The following INSR variants were observed in gnomAD, a reference collection of about 807,000 sequenced individuals.
INSR encodes insulin receptor.
In INSR, 67 loss-of-function variants were observed where a neutral mutation model predicts 142.6. That is an observed-to-expected ratio of 0.47 (90% confidence interval 0.39 to 0.58). INSR has a LOEUF of 0.58. Among genes scored for constraint, INSR ranks in the 20% least tolerant of loss-of-function variants. The probability of loss-of-function intolerance (pLI) is 0.00; values close to 1 mark genes in which losing one functional copy is unlikely to be tolerated. For synonymous variants in INSR, 756 were observed against 743.1 expected (o/e 1.02, Z -0.28); for missense variants, 1,248 against 1,833.2 (o/e 0.68, Z 5.83).
At chr19:7,282,636 C>T (rs765742888) in intron 1 of INSR, among the ~76,000 whole-genome samples, 1 of 151,278 alleles carries the variant, frequency 6.6e-6, no homozygotes, top group Non-Finnish European at 1.5e-5. Context: ...GAGCTGAGAT[C>T]GTGACACTGC....
intron 1 of INSR, among the ~76,000 whole-genome samples, chr19:7,280,717 C>CAA (rs796092778): frequency 7.4e-6 from 1 of 134,826 alleles, no homozygotes; most frequent in African/African-American, 2.7e-5. Context: ...AACTCCATCT[C>CAA]AAAAAAAAAA....
intron 9 of INSR, among the ~76,000 whole-genome samples, chr19:7,157,952 A>T (rs754210263): frequency 6.6e-6 from 1 of 151,790 alleles, no homozygotes; most frequent in Non-Finnish European, 1.5e-5. Flanking sequence ...ATAGACATAG[A>T]ATACCCTGCC....
intron 16 of INSR, among the ~76,000 whole-genome samples, chr19:7,126,248 G>A (rs1388427860): frequency 5.9e-5 from 9 of 152,128 alleles, no homozygotes; most frequent in African/African-American, 1.7e-4. Flanking sequence ...TAAGACTACC[G>A]AGTGCTAGCT....
rs994203066 is a variant in INSR, at chr19:7,194,799, C to T, written c.653-10162G>A. On this transcript the variant is annotated intron_variant, in intron 2 of 21. Coordinates refer to ENST00000302850, the MANE Select transcript of INSR (RefSeq NM_000208.4). ...AAGTGCTGGTACAGGTGTGAGCCAC[C>T]GCGCCAGGCCAGCTTTGCTCTTTTA... Among the ~76,000 whole-genome samples the T allele has an allele frequency of 5.9e-5, 9 of 151,890 alleles. No homozygotes were observed. In the East Asian group the frequency reaches 1.6e-3, roughly 26 times the overall value.
rs1973712228 is a variant in INSR at position 7,160,239 on chromosome 19, C to T, written c.2029+2793G>A. On this transcript the variant is annotated intron_variant, in intron 9 of 21. Transcript: ENST00000302850. The stretch of plus-strand genomic sequence containing the variant: ...GTGCAAGCTCGGCTCATTGCAACCT[C>T]CACCTCCCGGGTTCAAGCGATTCTT... Among the ~76,000 whole-genome samples, 8 of 152,214 alleles carry T rather than the reference C, an allele frequency of 5.3e-5. No homozygotes were observed. In the South Asian group the frequency reaches 1.7e-3, roughly 32 times the overall value.
At position 7,150,405 on chromosome 19, in the gene INSR, C is replaced by T. The variant is rs1041237897; in HGVS notation, c.2267+92G>A. On this transcript the variant is annotated intron_variant, in intron 11 of 21. Coordinates refer to ENST00000302850, the MANE Select transcript of INSR (RefSeq NM_000208.4). The surrounding 1 kb of genome is among the most constrained non-coding windows in gnomAD (Gnocchi z 4.2). ...CAGCTGCCCGCCGCATGCAAAAAGC[C>T]ACAGAAACCCCTGGGTTCTCCGAGG... 2.4e-5 allele frequency: 29 copies of T among 1,205,514 alleles called. No individual in the cohort carries two copies. Among genetic ancestry groups the T allele is most frequent in the Non-Finnish European group, 3.2e-5 (26 of 819,130 alleles). 74.7% of individuals were successfully genotyped at this position (1,205,514 alleles called of 1,614,324 possible). A position where few individuals can be genotyped will look rare whatever the true frequency, so the allele number is the denominator to read the frequency against.
Position 7,267,703 on chromosome 19 carries a change from G to A in INSR, c.294C>T (p.Ser98=). Residue 98 remains serine, a synonymous_variant, in exon 2 of 22, where the codon AGC becomes AGT. Coordinates refer to ENST00000302850, the MANE Select transcript of INSR (RefSeq NM_000208.4). The surrounding 1 kb of genome is among the most constrained non-coding windows in gnomAD (Gnocchi z 6.3). ...LLLFRVYGLE[S]LKDLFPNLTV... is the part of the protein sequence containing the mutation. ...TGAGGTTGGGGAACAGGTCCTTCAGGCTCTCGAGCCCATAGACCCGGAAGA... is the reference window on the plus strand; with the variant it reads ...TGAGGTTGGGGAACAGGTCCTTCAGACTCTCGAGCCCATAGACCCGGAAGA... 6.2e-7 allele frequency: 1 copy of A among 1,614,050 alleles called. No individual in the cohort carries two copies. Among genetic ancestry groups the A allele is most frequent in the Middle Eastern group, 1.6e-4 (1 of 6,062 alleles).
At chr19:7,256,340 T>C (rs1179460469) in intron 2 of INSR, among the ~76,000 whole-genome samples, 1 of 151,930 alleles carries the variant, frequency 6.6e-6, no homozygotes, top group East Asian at 1.9e-4. Flanking sequence ...TCCCAGCTAC[T>C]TGGGAGGCTG....
chr19:7,270,339 T>TCACACACACACACACACA (rs1178953100), intron 1 of INSR, among the ~76,000 whole-genome samples: 3 of 120,248 alleles, frequency 2.5e-5, no homozygotes, highest in African/African-American at 6.8e-5. Context: ...TCTCTCTCTC[T>TCACACACACACACACACA]CACACACACA....
intron 3 of INSR, among the ~76,000 whole-genome samples, chr19:7,176,353 C>T (rs1974135066): frequency 6.6e-6 from 1 of 152,226 alleles, no homozygotes; most frequent in African/African-American, 2.4e-5. Flanking sequence ...GTAATTCCGG[C>T]ACTTTGGGAG....
chr19:7,285,959 T>C (rs2145247504), intron 1 of INSR, among the ~76,000 whole-genome samples: 1 of 152,282 alleles, frequency 6.6e-6, no homozygotes, highest in Non-Finnish European at 1.5e-5. Flanking sequence ...AAGCCAATTT[T>C]ACTGTATGAT....
intron 2 of INSR, among the ~76,000 whole-genome samples, chr19:7,255,467 C>T (rs56047301): frequency 0.18 from 26,991 of 151,390 alleles, 2,987 homozygotes; most frequent in Non-Finnish European, 0.25. Context: ...TTTGCCATTT[C>T]ATCCACCCGA....
chr19:7,204,687 G>A (rs1345669418), intron 2 of INSR, among the ~76,000 whole-genome samples: 5 of 150,292 alleles, frequency 3.3e-5, no homozygotes, highest in Admixed American at 1.3e-4. Flanking sequence ...CTGGATTTAT[G>A]CTACTGAGCC....
intron 2 of INSR, among the ~76,000 whole-genome samples, chr19:7,256,918 T>C (rs904852816): frequency 1.3e-5 from 2 of 149,176 alleles, no homozygotes; most frequent in African/African-American, 4.9e-5. Flanking sequence ...TCACGTTACA[T>C]GCTCTACCCT....
At chr19:7,160,897 A>G (rs1247529941) in intron 9 of INSR, among the ~76,000 whole-genome samples, 4 of 150,878 alleles carry the variant, frequency 2.7e-5, no homozygotes, top group Middle Eastern at 3.4e-3. Context: ...TCAGGAGGCT[A>G]AGGCACAAGA....
At chr19:7,270,458 A>G (rs1394755292) in intron 1 of INSR, among the ~76,000 whole-genome samples, 2 of 151,912 alleles carry the variant, frequency 1.3e-5, no homozygotes, top group African/African-American at 4.8e-5. Context: ...TATGCATTCA[A>G]AGGTTAACTA....
At chr19:7,141,375 C>G (rs1257515548) in intron 13 of INSR, 1 of 416,622 alleles carries the variant, frequency 2.4e-6, no homozygotes, top group East Asian at 5.4e-5. Flanking sequence ...TTTTAAGACT[C>G]AAATAACTCC....
chr19:7,125,177 G>T lies in INSR; in HGVS notation c.3258+106C>A. The T allele has an allele frequency of 1.5e-6, 2 of 1,360,852 alleles. No individual in the cohort carries two copies. Among genetic ancestry groups the T allele is most frequent in the Non-Finnish European group, 2.1e-6 (2 of 967,038 alleles). 84.3% of individuals were successfully genotyped at this position (1,360,852 alleles called of 1,614,324 possible). ...GGAAGCTTAGTGGAGTGAGGGGTGG[G>T]TAGGAGGTTACACCCTGTGTCCTCT... On this transcript the variant is annotated intron_variant, in intron 17 of 21. Coordinates refer to ENST00000302850, the MANE Select transcript of INSR (RefSeq NM_000208.4). The surrounding 1 kb of genome is among the most constrained non-coding windows in gnomAD (Gnocchi z 4.9).
chr19:7,233,824 C>G (rs1421669901), intron 2 of INSR, among the ~76,000 whole-genome samples: 2 of 151,026 alleles, frequency 1.3e-5, no homozygotes, highest in Non-Finnish European at 3.0e-5. Context: ...TACAGGCGCC[C>G]GCCACCACAC....
Sources: gnomAD v4.1 joint callset for allele counts (sites outside exome capture counted in the v4.1 genomes callset) on GRCh38, gnomAD v4.1.1 for gene constraint, Gnocchi (gnomAD v3.1) non-coding constraint, MANE v1.5 for transcripts, NCBI Gene and HGNC (gene_info 2026-07-23, HGNC 2026-07-21) for gene names.